The following B4GALT1 variants were observed in gnomAD, a reference collection of about 807,000 sequenced individuals.
B4GALT1 encodes beta-1,4-galactosyltransferase 1, also known as N-acetyllactosamine synthase.
Under a neutral mutation model 34.9 loss-of-function variants are expected in B4GALT1, and 16 were observed. That is an observed-to-expected ratio of 0.46 (90% confidence interval 0.31 to 0.70). The LOEUF is 0.70. B4GALT1 is among the 30% of genes least tolerant of loss of function. The probability of loss-of-function intolerance (pLI) is 0.05; values close to 1 mark genes in which losing one functional copy is unlikely to be tolerated. For missense variants in B4GALT1, 445 were observed against 530.5 expected (o/e 0.84, Z 1.58); for synonymous variants, 221 against 218.1 (o/e 1.01, Z -0.12).
chr9:33,113,375 G>C lies in B4GALT1; in HGVS notation c.*79C>G. The C allele has an allele frequency of 6.2e-7, 1 of 1,602,992 alleles. No individual in the cohort carries two copies. Among genetic ancestry groups the C allele is most frequent in the Non-Finnish European group, 8.5e-7 (1 of 1,171,022 alleles). On this transcript the variant is annotated 3_prime_UTR_variant, in exon 6 of 6. Transcript: ENST00000379731. The stretch of plus-strand genomic sequence containing the variant: ...CACTCAGACTGGTAAAAATGAGAGG[G>C]ACCAGCCCAGCAGATTGGCAGAGAC...
At chr9:33,148,902 G>A (rs1840468231) in intron 1 of B4GALT1, among the ~76,000 whole-genome samples, 1 of 151,922 alleles carries the variant, frequency 6.6e-6, no homozygotes, top group Admixed American at 6.5e-5. Flanking sequence ...CCATTCCCCT[G>A]AAGGGGATCT....
rs1840775865 is a variant in B4GALT1, at chr9:33,167,186, TAAGAAG to T, written c.-23_-18del. The stretch of plus-strand genomic sequence containing the variant: ...AAGCCTCATCTTCCCGCCGCCGCTT[TAAGAAG>T]GGTGTGGGCTACAGGAGGGGAGGCG... On this transcript the variant is annotated 5_prime_UTR_variant, in exon 1 of 6. Transcript: ENST00000379731. 6.3e-7 allele frequency: 1 copy of T among 1,591,842 alleles called. No homozygotes were observed. The highest frequency in any genetic ancestry group is 2.3e-5 in the East Asian group (1 of 44,284).
chr9:33,175,143 T>C, the B4GALT1 span, among the ~76,000 whole-genome samples: 5 of 147,102 alleles, frequency 3.4e-5, no homozygotes, highest in Non-Finnish European at 6.0e-5. Context: ...AAGACCCCTG[T>C]CTCTATGAAA....
At chr9:33,105,122 C>T (rs1469608687) in intron 2 of B4GALT1, among the ~76,000 whole-genome samples, 1 of 151,840 alleles carries the variant, frequency 6.6e-6, no homozygotes, top group Non-Finnish European at 1.5e-5. Flanking sequence ...CTGCGCCCGG[C>T]CTCCACATTT....
chr9:33,114,429 G>A (rs1385105111), intron 4 of B4GALT1, among the ~76,000 whole-genome samples: 1 of 152,192 alleles, frequency 6.6e-6, no homozygotes, highest in Admixed American at 6.5e-5. Flanking sequence ...GCAGGTGATG[G>A]GCTGAAAAGG....
rs1217349858 is a variant in B4GALT1, at chr9:33,111,339, G to T, written c.*2115C>A. On this transcript the variant is annotated 3_prime_UTR_variant, in exon 6 of 6. Transcript: ENST00000379731. ...AATAACACAGAAGTTACCACTCAGG[G>T]CATTTGTCTGATTTCTTTTAAGGCA... 1 of 151,204 alleles carries T rather than the reference G, an allele frequency of 6.6e-6. No individual in the cohort carries two copies. Among genetic ancestry groups the T allele is most frequent in the East Asian group, 1.9e-4 (1 of 5,136 alleles). The allele number at this position is 151,204 out of a possible 1,614,324, so 9.4% of individuals were successfully genotyped here.
At chr9:33,130,408 C>T (rs1222976787) in intron 2 of B4GALT1, among the ~76,000 whole-genome samples, 2 of 151,360 alleles carry the variant, frequency 1.3e-5, no homozygotes, top group Non-Finnish European at 2.9e-5. Context: ...TCTTGAAATC[C>T]ACGTCTCAGA....
At chr9:33,139,150 T>C (rs1328150876) in intron 1 of B4GALT1, among the ~76,000 whole-genome samples, 1 of 152,202 alleles carries the variant, frequency 6.6e-6, no homozygotes, top group Admixed American at 6.5e-5. Flanking sequence ...CAATTGATAC[T>C]TTCTGGGTAC....
At chr9:33,157,514 A>G (rs958529041) in intron 1 of B4GALT1, among the ~76,000 whole-genome samples, 2 of 152,246 alleles carry the variant, frequency 1.3e-5, no homozygotes, top group African/African-American at 4.8e-5. Flanking sequence ...CATAAACAAC[A>G]TAACATTTTA....
chr9:33,124,061 G>A (rs1460553699), intron 2 of B4GALT1, among the ~76,000 whole-genome samples: 1 of 152,210 alleles, frequency 6.6e-6, no homozygotes, highest in Non-Finnish European at 1.5e-5. Flanking sequence ...GGGGCCGTGG[G>A]TACACCAGGC....
upstream of B4GALT1, chr9:33,167,395 G>A (rs1021652345): frequency 4.4e-6 from 2 of 451,970 alleles, no homozygotes; most frequent in African/African-American, 2.0e-5. Context: ...CGGCGAAGGC[G>A]GGGGCGGGGC....
chr9:33,105,126 C>T (rs10971408), intron 2 of B4GALT1, among the ~76,000 whole-genome samples: 120,714 of 151,906 alleles, frequency 0.79, 48,903 homozygotes, highest in South Asian at 0.94. Flanking sequence ...GCCCGGCCTC[C>T]ACATTTTAAC....
intron 1 of B4GALT1, among the ~76,000 whole-genome samples, chr9:33,162,569 T>C (rs1840689926): frequency 6.6e-6 from 1 of 152,182 alleles, no homozygotes; most frequent in Admixed American, 6.5e-5. Flanking sequence ...AGGGATCTTC[T>C]GAAACGCTAG....
intron 2 of B4GALT1, among the ~76,000 whole-genome samples, chr9:33,123,208 G>T (rs1010835438): frequency 1.3e-5 from 2 of 148,794 alleles, no homozygotes; most frequent in Non-Finnish European, 3.0e-5. Flanking sequence ...AAGCCGGGAG[G>T]TGGAGGTTGC....
chr9:33,181,350 G>A, the B4GALT1 span, among the ~76,000 whole-genome samples: 11 of 151,850 alleles, frequency 7.2e-5, no homozygotes, highest in Non-Finnish European at 1.6e-4. Flanking sequence ...CCTAAGCCCA[G>A]GAGGTTGAGG....
At chr9:33,140,151 C>T (rs575878928) in intron 1 of B4GALT1, among the ~76,000 whole-genome samples, 184 of 152,374 alleles carry the variant, frequency 1.2e-3, no homozygotes, top group Admixed American at 2.1e-3. Flanking sequence ...AACACCAGCA[C>T]GGACTCCTGA....
intron 1 of B4GALT1, among the ~76,000 whole-genome samples, chr9:33,162,727 A>G (rs962688747): frequency 6.6e-6 from 1 of 152,158 alleles, no homozygotes; most frequent in African/African-American, 2.4e-5. Flanking sequence ...CTTACTCCCC[A>G]TTCCCCAAGG....
intron 1 of B4GALT1, among the ~76,000 whole-genome samples, chr9:33,162,598 T>C (rs894365513): frequency 6.6e-6 from 1 of 152,236 alleles, no homozygotes; most frequent in African/African-American, 2.4e-5. Context: ...AGGTCACCCC[T>C]GAACCTGTGC....
At chr9:33,120,088 G>A (rs1360976322) in intron 3 of B4GALT1, among the ~76,000 whole-genome samples, 2 of 151,968 alleles carry the variant, frequency 1.3e-5, no homozygotes, top group Non-Finnish European at 2.9e-5. Context: ...GGAGGCTGAG[G>A]TGACAGGATG....
Sources: allele counts gnomAD v4.1 joint callset (sites outside exome capture counted in the v4.1 genomes callset), GRCh38; gene constraint gnomAD v4.1.1; transcripts MANE v1.5; gene names NCBI Gene and HGNC (gene_info 2026-07-23, HGNC 2026-07-21).